CCDC7: variants seen among roughly 807,000 people sequenced by gnomAD.
CCDC7 encodes coiled-coil domain containing 7.
CCDC7 carries 183 observed loss-of-function variants against 196.9 expected under a neutral mutation model. The observed-to-expected ratio is 0.93, with a 90% CI of 0.82 to 1.05. The LOEUF is 1.05. CCDC7 is among the 50% of genes least tolerant of loss of function. CCDC7 has a pLI of 0.00. For missense variants in CCDC7, 1,540 were observed against 1,482.2 expected (o/e 1.04, Z -0.64); for synonymous variants, 525 against 484.6 (o/e 1.08, Z -1.10).
intron 3 of CCDC7, among the ~76,000 whole-genome samples, chr10:32,461,711 A>ATG (rs2035709810): frequency 3.3e-5 from 2 of 60,672 alleles, no homozygotes; most frequent in Admixed American, 1.8e-4. Context: ...GTGTGTGTGT[A>ATG]TATATATATA....
At chr10:32,550,690 T>G (rs896465879) in intron 13 of CCDC7, among the ~76,000 whole-genome samples, 1 of 152,184 alleles carries the variant, frequency 6.6e-6, no homozygotes, top group African/African-American at 2.4e-5. Flanking sequence ...TTTTATGTTG[T>G]GTATCACATT....
downstream of CCDC7, among the ~76,000 whole-genome samples, chr10:32,880,107 G>A (rs967042772): frequency 2.0e-5 from 3 of 152,138 alleles, no homozygotes; most frequent in Non-Finnish European, 2.9e-5. Context: ...TCTGGTTCTA[G>A]ATCTTTGAGG....
chr10:32,864,745 A>G (rs938193466), intron 41 of CCDC7, among the ~76,000 whole-genome samples: 1 of 151,906 alleles, frequency 6.6e-6, no homozygotes, highest in Non-Finnish European at 1.5e-5. Flanking sequence ...AGAAAGAAAC[A>G]TAGGAAATCC....
intron 11 of CCDC7, among the ~76,000 whole-genome samples, chr10:32,537,816 T>C (rs2050769055): frequency 6.6e-6 from 1 of 152,144 alleles, no homozygotes; most frequent in African/African-American, 2.4e-5. Context: ...TGTGCAGCCT[T>C]ATTTCTGGCT....
chr10:32,788,378 A>T (rs2134530784), intron 29 of CCDC7, among the ~76,000 whole-genome samples: 1 of 152,184 alleles, frequency 6.6e-6, no homozygotes, highest in African/African-American at 2.4e-5. Context: ...CTGAGTTCAG[A>T]CCCCAGGCCA....
At chr10:32,767,208 G>A (rs1387100321) in intron 28 of CCDC7, among the ~76,000 whole-genome samples, 2 of 152,036 alleles carry the variant, frequency 1.3e-5, no homozygotes, top group African/African-American at 4.8e-5. Context: ...ATGAGATTTG[G>A]AGGGGACACA....
At chr10:32,748,564 C>G (rs1044323457) in intron 28 of CCDC7, among the ~76,000 whole-genome samples, 5 of 152,018 alleles carry the variant, frequency 3.3e-5, no homozygotes, top group African/African-American at 1.2e-4. Flanking sequence ...AAAAGAAACT[C>G]CAGTAAATGG....
At chr10:32,708,908 T>G (rs1270753953) in intron 24 of CCDC7, among the ~76,000 whole-genome samples, 1 of 152,208 alleles carries the variant, frequency 6.6e-6, no homozygotes, top group African/African-American at 2.4e-5. Flanking sequence ...TGGAAGACAG[T>G]GTGCCAATTC....
At chr10:32,864,151 T>C (rs190838078) in intron 41 of CCDC7, among the ~76,000 whole-genome samples, 68 of 151,870 alleles carry the variant, frequency 4.5e-4, no homozygotes, top group African/African-American at 1.5e-3. Flanking sequence ...AAAAATGGCA[T>C]CAGTAATCCT....
rs185749957 is a variant in CCDC7 at position 32,631,490 on chromosome 10, A to G, written c.1802-2764A>G. On this transcript the variant is annotated intron_variant, in intron 18 of 41. Coordinates refer to ENST00000639629, the Ensembl canonical transcript of CCDC7. ...GTAAGGGTTTGTTTCTGAACTCTCA[A>G]TTCTATTGCATTTATGTATATGCCT... Among the ~76,000 whole-genome samples, 199 of 152,258 alleles carry G rather than the reference A, an allele frequency of 1.3e-3. 1 individual carries two copies. The highest frequency in any genetic ancestry group is 4.5e-3 in the African/African-American group (186 of 41,562).
At chr10:32,707,482 A>C (rs2141776510) in intron 24 of CCDC7, among the ~76,000 whole-genome samples, 1 of 152,338 alleles carries the variant, frequency 6.6e-6, no homozygotes, top group African/African-American at 2.4e-5. Context: ...GCAATCAGGC[A>C]GGAGAAGGAA....
chr10:32,553,282 T>G (rs1296066650), intron 13 of CCDC7, among the ~76,000 whole-genome samples: 1 of 152,054 alleles, frequency 6.6e-6, no homozygotes, highest in East Asian at 1.9e-4. Flanking sequence ...GATTGTTTTT[T>G]TCTTTAAGCT....
chr10:32,779,271 C>T (rs1246814656), intron 29 of CCDC7, among the ~76,000 whole-genome samples, 187 bp downstream of exon 30: 1 of 152,202 alleles, frequency 6.6e-6, no homozygotes, highest in Non-Finnish European at 1.5e-5. Flanking sequence ...TTTACTCCAT[C>T]AGACAACATT....
intron 21 of CCDC7, among the ~76,000 whole-genome samples, chr10:32,671,875 A>G (rs2074123474): frequency 1.3e-5 from 2 of 152,204 alleles, no homozygotes; most frequent in African/African-American, 2.4e-5. Flanking sequence ...GAGGATCCTC[A>G]GCAGCCAATG....
At chr10:32,762,992 A>C (rs1356851310) in intron 28 of CCDC7, among the ~76,000 whole-genome samples, 2 of 151,938 alleles carry the variant, frequency 1.3e-5, no homozygotes, top group Non-Finnish European at 2.9e-5. Context: ...CAGGACACAA[A>C]AGCAAAAGTA....
intron 16 of CCDC7, among the ~76,000 whole-genome samples, chr10:32,578,133 A>T (rs2058402629): frequency 6.6e-6 from 1 of 152,164 alleles, no homozygotes; most frequent in African/African-American, 2.4e-5. Flanking sequence ...ATGTTAATAT[A>T]TGGGCTTCTA....
intron 20 of CCDC7, among the ~76,000 whole-genome samples, chr10:32,643,145 T>C (rs1347708146): frequency 6.6e-6 from 1 of 152,196 alleles, no homozygotes; most frequent in Non-Finnish European, 1.5e-5. Flanking sequence ...TGGATTTATC[T>C]ATTTCTTCTT....
chr10:32,499,808 A>C (rs1483700905), intron 9 of CCDC7, among the ~76,000 whole-genome samples: 11 of 151,856 alleles, frequency 7.2e-5, no homozygotes, highest in Non-Finnish European at 2.9e-5. Flanking sequence ...GATGACTCTT[A>C]ACGAGTATGC....
chr10:32,863,507 C>A (rs961791449), intron 41 of CCDC7, among the ~76,000 whole-genome samples: 1 of 151,932 alleles, frequency 6.6e-6, no homozygotes, highest in Non-Finnish European at 1.5e-5. Flanking sequence ...TGCACACCAC[C>A]ACATTCAGCT....
Sources: gnomAD v4.1 joint callset for allele counts (sites outside exome capture counted in the v4.1 genomes callset) on GRCh38, gnomAD v4.1.1 for gene constraint, MANE v1.5 for transcripts, NCBI Gene and HGNC (gene_info 2026-07-23, HGNC 2026-07-21) for gene names.